The following UBE4A variants were observed in gnomAD, a reference collection of about 807,000 sequenced individuals.
UBE4A encodes ubiquitination factor E4A, also known as ubiquitin conjugation factor E4 A.
A neutral mutation model predicts 117.9 loss-of-function variants in UBE4A; 48 were observed. The ratio of observed to expected loss-of-function variants is 0.41; its 90% CI spans 0.32 to 0.52. The LOEUF (loss-of-function observed/expected upper bound fraction) is 0.52. UBE4A is among the 20% of genes least tolerant of loss of function. The probability of loss-of-function intolerance (pLI) is 0.33; values close to 1 mark genes in which losing one functional copy is unlikely to be tolerated. For missense variants in UBE4A, 1,067 were observed against 1,296.3 expected, an observed-to-expected ratio of 0.82 and a Z score of 2.72; for synonymous variants, 407 against 450.0, an observed-to-expected ratio of 0.90 and a Z score of 1.21.
intron 5 of UBE4A, 100 bp from the exon 6 acceptor site, chr11:118,372,407 A>G (rs1004313264): frequency 8.1e-7 from 1 of 1,228,818 alleles, no homozygotes; most frequent in Non-Finnish European, 1.1e-6. Context: ...TCAAGCATCC[A>G]CAGGAGACCA....
intron 1 of UBE4A, 73 bp from the exon 2 acceptor site, chr11:118,364,967 A>G: frequency 7.9e-7 from 1 of 1,261,940 alleles, no homozygotes; most frequent in South Asian, 2.3e-5. Flanking sequence ...AAATGGGAAA[A>G]GAAACAACCA....
chr11:118,373,016 A>G (rs1948621613), intron 6 of UBE4A, 70 bp from the exon 7 acceptor site: 1 of 1,358,638 alleles, frequency 7.4e-7, no homozygotes, highest in Non-Finnish European at 1.0e-6. Context: ...TATTGAAAGT[A>G]AAGAGCTAGT....
At chr11:118,360,066 G>T (rs1237164964) in intron 1 of UBE4A, among the ~76,000 whole-genome samples, 1 of 152,246 alleles carries the variant, frequency 6.6e-6, no homozygotes, top group Admixed American at 6.5e-5. Context: ...CAAATAGGCA[G>T]ATGCCAAGAA....
At position 118,369,501 on chromosome 11, in the gene UBE4A, A is replaced by T. The variant is rs966997572; in HGVS notation, c.374A>T (p.Asp125Val). The T allele has an allele frequency of 6.2e-7, 1 of 1,614,222 alleles. No individual in the cohort carries two copies. Among genetic ancestry groups the T allele is most frequent in the Non-Finnish European group, 8.5e-7 (1 of 1,180,034 alleles). The change falls in exon 4 of 20, where the codon GAT (aspartate) becomes GTT (valine). Residue 125 changes from aspartate (D) to valine (V), a missense_variant. Transcript: ENST00000252108. Reference sequence around the variant, plus strand: ...GAAGAAATGGCAGTAGAGCTAGAAGATCAAGACTGGCTTGATATGAGCAAT... The same window carrying T: ...GAAGAAATGGCAGTAGAGCTAGAAGTTCAAGACTGGCTTGATATGAGCAAT... ...YLEEMAVELE[D>V]QDWLDMSNVE...
rs782785091 is a variant in UBE4A at position 118,389,733 on chromosome 11, T to A, written c.2596T>A (p.Ser866Thr). Residue 866 changes from serine to threonine, a missense_variant, in exon 17 of 20, where the codon TCA (serine) becomes ACA (threonine). By Grantham distance (58) the Ser-to-Thr change is moderately conservative. Transcript: ENST00000252108. ...TTTGGATTCTTTTCCAGAGATCAAG[T>A]CACTCTTTGTGCATCCCTTCCTGGC... is the stretch of plus-strand genomic sequence containing the variant. ...TLAFLTSEIKSLFVHPFLAER... is the reference protein window; with the variant it reads ...TLAFLTSEIKTLFVHPFLAER... 1.9e-6 allele frequency: 3 copies of A among 1,599,626 alleles called. No individual in the cohort carries two copies. Among genetic ancestry groups the A allele is most frequent in the South Asian group, 2.2e-5 (2 of 89,904 alleles).
intron 4 of UBE4A, 135 bp downstream of exon 4, chr11:118,369,670 G>A (rs1038716249): frequency 3.3e-6 from 2 of 602,844 alleles, no homozygotes; most frequent in African/African-American, 4.1e-5. Context: ...TTTTTTACCA[G>A]TAGAAGGCCA....
rs989374114 is a variant in UBE4A at position 118,368,916 on chromosome 11, A to G, written c.295+112A>G. On this transcript the variant is annotated intron_variant, in intron 3 of 19. Transcript: ENST00000252108. ...GGTTAGATACAAACCTACTCACTGCACTCCCTGGAACTCAGGGTTTATATT... is the reference window on the plus strand; with the variant it reads ...GGTTAGATACAAACCTACTCACTGCGCTCCCTGGAACTCAGGGTTTATATT... The G allele has an allele frequency of 4.8e-6, 5 of 1,036,508 alleles. No homozygotes were observed. The African/African-American group carries it at 8.0e-5, about 17-fold the overall frequency. 64.2% of individuals were successfully genotyped at this position (1,036,508 alleles called of 1,614,324 possible). A position where few individuals can be genotyped will look rare whatever the true frequency, so the allele number is the denominator to read the frequency against.
chr11:118,365,059 A>T lies in UBE4A; in HGVS notation c.-22A>T, dbSNP rs1180449779. On this transcript the variant is annotated 5_prime_UTR_variant, in exon 2 of 20. The change abolishes an upstream ATG in the 5' untranslated region. Transcript: ENST00000252108. ...GAACAGCCTCTCCCACTAGGTCTGG[A>T]TGGAGGATACCTTAAAGTGAAATGA... 11 of 1,612,498 alleles carry T rather than the reference A, an allele frequency of 6.8e-6. No homozygotes were observed. Among genetic ancestry groups the T allele is most frequent in the Non-Finnish European group, 9.3e-6 (11 of 1,179,404 alleles).
Position 118,396,550 on chromosome 11 carries a change from T to TC in UBE4A, c.*110_*111insC, listed in dbSNP as rs1250019797. 16 of 994,366 alleles carry TC rather than the reference T, an allele frequency of 1.6e-5. No individual in the cohort carries two copies. The highest frequency in any genetic ancestry group is 2.9e-4 in the Middle Eastern group (1 of 3,452). The allele number at this position is 994,366 out of a possible 1,614,324, so 61.6% of individuals were successfully genotyped here. On this transcript the variant is annotated 3_prime_UTR_variant, in exon 20 of 20. Transcript: ENST00000252108. ...TTTTCTTTCTTCTTTTCTTTTTCTT[T>TC]TTTTTTTTTTTTTTTACTAAATTAG...
At position 118,386,567 on chromosome 11, in the gene UBE4A, A is replaced by G; in HGVS notation, c.2542A>G (p.Ile848Val). Residue 848 changes from isoleucine (I) to valine (V), a missense_variant, in exon 16 of 20, where the codon ATC (isoleucine) becomes GTC (valine). Physicochemically the swap from Ile to Val is conservative, Grantham distance 29. Around this residue, in one of 3 missense-constraint regions of UBE4A, gnomAD observed 1,001 missense variants for 1,184.0 expected, o/e 0.85. Coordinates refer to ENST00000252108, the MANE Select transcript of UBE4A (RefSeq NM_001204077.2). ...TGGACAGCTGGCACGTTTCCATAACATCATGTCCAATGAAACAATCGGTAC... is the reference window on the plus strand; with the variant it reads ...TGGACAGCTGGCACGTTTCCATAACGTCATGTCCAATGAAACAATCGGTAC... The part of the protein sequence containing the change: ...MFGQLARFHN[I>V]MSNETIGTLA... 1 of 1,596,648 alleles carries G rather than the reference A, an allele frequency of 6.3e-7. No homozygotes were observed. Among genetic ancestry groups the G allele is most frequent in the Non-Finnish European group, 8.5e-7 (1 of 1,174,104 alleles).
chr11:118,371,724 G>A (rs1461566573), intron 5 of UBE4A, 58 bp downstream of exon 5: 1 of 1,527,212 alleles, frequency 6.5e-7, no homozygotes, highest in Admixed American at 2.0e-5. Flanking sequence ...ACTTCAGCAT[G>A]TGGGCCAGAG....
chr11:118,368,833 A>G, intron 3 of UBE4A, 29 bp downstream of exon 3: 2 of 1,610,134 alleles, frequency 1.2e-6, no homozygotes, highest in East Asian at 2.2e-5. Flanking sequence ...GCATTATTCT[A>G]CCCTTCCTAT....
intron 9 of UBE4A, among the ~76,000 whole-genome samples, chr11:118,376,113 A>T (rs1337337669): frequency 1.3e-5 from 2 of 152,152 alleles, no homozygotes; most frequent in Non-Finnish European, 2.9e-5. Context: ...TGGGGAGGAA[A>T]TGGATCAAGG....
At position 118,396,548 on chromosome 11, in the gene UBE4A, T is replaced by A; in HGVS notation, c.*108T>A. On this transcript the variant is annotated 3_prime_UTR_variant, in exon 20 of 20. Coordinates refer to ENST00000252108, the MANE Select transcript of UBE4A (RefSeq NM_001204077.2). ...CCTTTTCTTTCTTCTTTTCTTTTTC[T>A]TTTTTTTTTTTTTTTTTACTAAATT... The A allele has an allele frequency of 3.7e-4, 69 of 186,728 alleles. No individual in the cohort carries two copies. The highest frequency in any genetic ancestry group is 1.2e-3 in the Middle Eastern group (1 of 804). The allele number at this position is 186,728 out of a possible 1,614,324, so 11.6% of individuals were successfully genotyped here.
intron 7 of UBE4A, 38 bp downstream of exon 7, chr11:118,373,326 A>T (rs771010112): frequency 2.2e-5 from 36 of 1,600,546 alleles, no homozygotes; most frequent in East Asian, 2.0e-4. Context: ...GTTGAGCTAG[A>T]TGTGTAATAC....
intron 9 of UBE4A, 96 bp downstream of exon 9, chr11:118,375,325 C>A: frequency 8.2e-7 from 1 of 1,226,418 alleles, no homozygotes; most frequent in Non-Finnish European, 1.1e-6. Context: ...GTTCCTTTCT[C>A]AAAAAAAGAT....
chr11:118,363,588 CTT>C lies in UBE4A; in HGVS notation c.-41-1448_-41-1447del, dbSNP rs1290370062. ...CTCTTTCTCTGGTAAATAAGGGTAA[CTT>C]TTTCGACCACATTAGCTTTTTTTTT... On this transcript the variant is annotated intron_variant, in intron 1 of 19. Transcript: ENST00000252108. Among the ~76,000 whole-genome samples the C allele has an allele frequency of 2.7e-5, 4 of 146,794 alleles. No homozygotes were observed. In the East Asian group the frequency reaches 7.9e-4, roughly 29 times the overall value.
At chr11:118,365,776 C>A (rs1424490979) in intron 2 of UBE4A, among the ~76,000 whole-genome samples, 1 of 152,178 alleles carries the variant, frequency 6.6e-6, no homozygotes, top group African/African-American at 2.4e-5. Context: ...TTTAAAAAAT[C>A]TGATCCTTAG....
chr11:118,379,645 A>C lies in UBE4A; in HGVS notation c.1771A>C (p.Met591Leu). The C allele has an allele frequency of 6.2e-7, 1 of 1,614,238 alleles. No individual in the cohort carries two copies. Among genetic ancestry groups the C allele is most frequent in the Non-Finnish European group, 8.5e-7 (1 of 1,180,032 alleles). Residue 591 changes from methionine (M) to leucine (L), a missense_variant, in exon 11 of 20, where the codon ATG becomes CTG. By Grantham distance (15) the Met-to-Leu change is conservative (BLOSUM62 2). Transcript: ENST00000252108. ...AAACTGCCTAAACTTGCAGGTGTCCATGGCTGTTCTACTGGTTCAACTGGC... is the reference window on the plus strand; with the variant it reads ...AAACTGCCTAAACTTGCAGGTGTCCCTGGCTGTTCTACTGGTTCAACTGGC... ...LQNCLNLQVS[M>L]AVLLVQLAIG...
Sources: gnomAD v4.1 joint callset for allele counts (sites outside exome capture counted in the v4.1 genomes callset) on GRCh38, gnomAD v4.1.1 for gene constraint, gnomAD v4.1.1 regional missense constraint, MANE v1.5 for transcripts, NCBI Gene and HGNC (gene_info 2026-07-23, HGNC 2026-07-21) for gene names.